The following SASH1 variants were observed in gnomAD, a reference collection of about 807,000 sequenced individuals.
SASH1 encodes SAM and SH3 domain-containing protein 1.
Under a neutral mutation model 125.2 loss-of-function variants are expected in SASH1, and 44 were observed. The observed-to-expected ratio is 0.35, with a 90% CI of 0.28 to 0.45. SASH1 has a LOEUF of 0.45. SASH1 is among the 20% of genes least tolerant of loss of function. SASH1 has a pLI of 1.00. For missense variants in SASH1, 1,426 were observed against 1,614.5 expected (o/e 0.88, Z 2.00); for synonymous variants, 639 against 649.1 (o/e 0.98, Z 0.24).
intron 1 of SASH1, among the ~76,000 whole-genome samples, chr6:148,352,593 T>C (rs1450245989): frequency 7.5e-6 from 1 of 132,704 alleles, no homozygotes; most frequent in Non-Finnish European, 1.6e-5. Context: ...TGAGACTCCT[T>C]CTTATAAATA....
At chr6:148,379,592 C>G (rs560071572) in intron 1 of SASH1, among the ~76,000 whole-genome samples, 1 of 152,174 alleles carries the variant, frequency 6.6e-6, no homozygotes, top group Admixed American at 6.5e-5. Context: ...ACTTTACTGC[C>G]ATCCATCCAT....
At chr6:148,295,087 C>T (rs1295462087) in intron 1 of SASH1, among the ~76,000 whole-genome samples, 4 of 152,164 alleles carry the variant, frequency 2.6e-5, no homozygotes, top group Non-Finnish European at 4.4e-5. Context: ...CACACACACA[C>T]ACATACACAC....
chr6:148,421,189 G>GA (rs1210627833), intron 2 of SASH1, among the ~76,000 whole-genome samples: 1 of 144,396 alleles, frequency 6.9e-6, no homozygotes, highest in African/African-American at 2.5e-5. Context: ...AAGAAAGAAA[G>GA]AAAGAAAGAA....
At chr6:148,443,303 G>T (rs114223782) in intron 4 of SASH1, among the ~76,000 whole-genome samples, 2,500 of 150,836 alleles carry the variant, frequency 0.017, 74 homozygotes, top group African/African-American at 0.058. Flanking sequence ...GTTTTTTTGC[G>T]CCACAGTGCA....
chr6:148,302,413 T>C (rs1160046173), intron 1 of SASH1, among the ~76,000 whole-genome samples: 4 of 151,540 alleles, frequency 2.6e-5, no homozygotes, highest in Non-Finnish European at 5.9e-5. Flanking sequence ...GCCTACCATT[T>C]TAACATTAGA....
At chr6:148,395,045 A>G (rs2114846704) in intron 2 of SASH1, among the ~76,000 whole-genome samples, 2 of 152,370 alleles carry the variant, frequency 1.3e-5, no homozygotes, top group South Asian at 4.1e-4. Context: ...ATGCAGTAAC[A>G]TATTAGAAGC....
the SASH1 span, among the ~76,000 whole-genome samples, chr6:148,223,806 A>C: frequency 1.3e-4 from 19 of 151,996 alleles, no homozygotes; most frequent in African/African-American, 4.3e-4. Context: ...TAGATTTATC[A>C]ATTATATCAC....
chr6:148,304,296 G>T (rs184143248), intron 1 of SASH1, among the ~76,000 whole-genome samples: 2 of 152,044 alleles, frequency 1.3e-5, no homozygotes, highest in Admixed American at 6.6e-5. Flanking sequence ...AAAAATTAGC[G>T]TGGTGGTGGG....
chr6:148,298,714 A>G (rs534225899), intron 1 of SASH1, among the ~76,000 whole-genome samples: 10 of 77,146 alleles, frequency 1.3e-4, no homozygotes, highest in Admixed American at 2.5e-4. Flanking sequence ...AGGAAGGAAG[A>G]AGGAAGGGAA....
chr6:148,264,097 T>C, the SASH1 span, among the ~76,000 whole-genome samples: 1 of 151,772 alleles, frequency 6.6e-6, no homozygotes, highest in Admixed American at 6.6e-5. Context: ...TTCAACACCT[T>C]TCTCTGATGA....
At chr6:148,196,931 C>T in the SASH1 span, among the ~76,000 whole-genome samples, 44 of 152,030 alleles carry the variant, frequency 2.9e-4, 1 homozygote, top group Non-Finnish European at 4.4e-5. Flanking sequence ...CGAGTAAATG[C>T]TGGGAGGCAG....
At chr6:148,505,141 T>C (rs1779729509) in intron 8 of SASH1, among the ~76,000 whole-genome samples, 1 of 152,206 alleles carries the variant, frequency 6.6e-6, no homozygotes, top group Non-Finnish European at 1.5e-5. Flanking sequence ...ACTGCCTATC[T>C]TAGAAATGAG....
intron 1 of SASH1, among the ~76,000 whole-genome samples, chr6:148,360,641 C>CCCCA (rs1554242948): frequency 7.8e-6 from 1 of 128,048 alleles, no homozygotes; most frequent in African/African-American, 2.9e-5. Flanking sequence ...GAGCCACCCC[C>CCCCA]CCGCCAGGCT....
At chr6:148,486,412 C>T (rs760188945) in intron 7 of SASH1, among the ~76,000 whole-genome samples, 2 of 152,246 alleles carry the variant, frequency 1.3e-5, no homozygotes, top group South Asian at 2.1e-4. Context: ...TGAGCTACTG[C>T]GCCTGGCCTG....
chr6:148,499,792 TTCTC>T (rs899976113), intron 8 of SASH1, among the ~76,000 whole-genome samples: 3 of 152,186 alleles, frequency 2.0e-5, no homozygotes, highest in African/African-American at 7.2e-5. Context: ...TATGAAGCAT[TTCTC>T]TCTCTCAGTA....
chr6:148,436,130 T>C (rs1776281851), intron 2 of SASH1, among the ~76,000 whole-genome samples: 1 of 152,128 alleles, frequency 6.6e-6, no homozygotes, highest in Non-Finnish European at 1.5e-5. Context: ...TCTCACGGTG[T>C]GGCTTTGGCA....
the SASH1 span, among the ~76,000 whole-genome samples, chr6:148,238,435 G>A: frequency 1.3e-5 from 2 of 152,100 alleles, no homozygotes; most frequent in South Asian, 2.1e-4. Context: ...TGTTGGCCAT[G>A]CTGGTCTCAA....
chr6:148,396,384 A>G (rs1783947701), intron 2 of SASH1, among the ~76,000 whole-genome samples: 1 of 150,944 alleles, frequency 6.6e-6, no homozygotes, highest in African/African-American at 2.4e-5. Context: ...AGGCTGAGAA[A>G]GGAGAATCGC....
intron 2 of SASH1, among the ~76,000 whole-genome samples, chr6:148,436,350 A>G (rs1339878972): frequency 6.6e-6 from 1 of 151,976 alleles, no homozygotes; most frequent in Admixed American, 6.6e-5. Context: ...AAAAGTAGCC[A>G]GGCATGATGG....
Sources: allele counts gnomAD v4.1 joint callset (sites outside exome capture counted in the v4.1 genomes callset), GRCh38; gene constraint gnomAD v4.1.1; transcripts MANE v1.5; gene names NCBI Gene and HGNC (gene_info 2026-07-23, HGNC 2026-07-21).